ZC2HC1B: variants seen among roughly 807,000 people sequenced by gnomAD.
ZC2HC1B encodes zinc finger C2HC-type containing 1B, also known as zinc finger C2HC domain-containing protein 1B.
Under a neutral mutation model 31.0 loss-of-function variants are expected in ZC2HC1B, and 36 were observed. The ratio of observed to expected loss-of-function variants is 1.16; its 90% confidence interval spans 0.89 to 1.54. The LOEUF is 1.54. Among genes scored for constraint, ZC2HC1B ranks in the 40% most tolerant of loss-of-function variants. ZC2HC1B has a pLI of 0.00. For missense variants in ZC2HC1B, 260 were observed against 268.6 expected (o/e 0.97, Z 0.22); for synonymous variants, 73 against 88.0 (o/e 0.83, Z 0.95).
intron 6 of ZC2HC1B, among the ~76,000 whole-genome samples, chr6:143,920,964 T>C (rs1348566266): frequency 2.0e-5 from 3 of 151,446 alleles, no homozygotes; most frequent in Non-Finnish European, 2.9e-5. Context: ...GAGCTCACCT[T>C]CTCCTATTTC....
rs528914911 is a variant in ZC2HC1B at position 143,911,824 on chromosome 6, G to A, written c.598+8672G>A. Among the ~76,000 whole-genome samples, 1 of 152,294 alleles carries A rather than the reference G, an allele frequency of 6.6e-6. No individual in the cohort carries two copies. The highest frequency in any genetic ancestry group is 2.4e-5 in the African/African-American group (1 of 41,554). On this transcript the variant is annotated intron_variant, in intron 6 of 7. Transcript: ENST00000237275. This position sits in a 1 kb window ranked among gnomAD's most constrained non-coding sequence, Gnocchi z 4.5. Reference sequence around the variant, plus strand: ...ATTTGAATATTGGCCTGTCATGCTAGGTTGGGGAAGTGCTGGATTATATCC... The same window carrying A: ...ATTTGAATATTGGCCTGTCATGCTAAGTTGGGGAAGTGCTGGATTATATCC...
rs1340549037 is a variant in ZC2HC1B, at chr6:143,869,886, A to G, written c.28+5319A>G. Among the ~76,000 whole-genome samples, 21 of 152,196 alleles carry G rather than the reference A, an allele frequency of 1.4e-4. No homozygotes were observed. Among genetic ancestry groups the G allele is most frequent in the Admixed American group, 1.4e-3 (21 of 15,272 alleles). On this transcript the variant is annotated intron_variant, in intron 1 of 7. Coordinates refer to ENST00000237275, the MANE Select transcript of ZC2HC1B (RefSeq NM_001013623.3). This position sits in a 1 kb window ranked among gnomAD's most constrained non-coding sequence, Gnocchi z 5.2. ...TTGTTCATGGGCCCATTGGGCGACAACAGGGGTGGCTGGGGAAAGAGGCTG... is the reference window on the plus strand; with the variant it reads ...TTGTTCATGGGCCCATTGGGCGACAGCAGGGGTGGCTGGGGAAAGAGGCTG...
intron 1 of ZC2HC1B, among the ~76,000 whole-genome samples, chr6:143,874,114 G>T (rs1449808991): frequency 6.6e-6 from 1 of 152,058 alleles, no homozygotes; most frequent in South Asian, 2.1e-4. Flanking sequence ...GGTACCCTAC[G>T]TCATATCTCT....
At chr6:143,931,182 A>T (rs1384840882) in intron 6 of ZC2HC1B, among the ~76,000 whole-genome samples, 3 of 152,044 alleles carry the variant, frequency 2.0e-5, no homozygotes, top group Admixed American at 2.0e-4. Flanking sequence ...CTTTACCTTA[A>T]GTCTATGTGA....
chr6:143,879,873 C>G (rs1036904933), intron 1 of ZC2HC1B, among the ~76,000 whole-genome samples: 1 of 140,296 alleles, frequency 7.1e-6, no homozygotes, highest in Non-Finnish European at 1.5e-5. Flanking sequence ...GCTCTGTTGC[C>G]CAGCAGGCAC....
At chr6:143,893,890 G>C (rs1283462804) in intron 4 of ZC2HC1B, among the ~76,000 whole-genome samples, 1 of 152,066 alleles carries the variant, frequency 6.6e-6, no homozygotes, top group Non-Finnish European at 1.5e-5. Context: ...ATTTCACCGT[G>C]TTAGCCAGGA....
intron 6 of ZC2HC1B, among the ~76,000 whole-genome samples, chr6:143,912,292 T>G (rs1777870059): frequency 6.6e-6 from 1 of 152,220 alleles, no homozygotes; most frequent in Non-Finnish European, 1.5e-5. Flanking sequence ...CTCAGCCCAG[T>G]TCTCAGCCCT....
At chr6:143,882,777 G>T (rs1374409636) in intron 1 of ZC2HC1B, among the ~76,000 whole-genome samples, 1 of 151,922 alleles carries the variant, frequency 6.6e-6, no homozygotes, top group Non-Finnish European at 1.5e-5. Flanking sequence ...CCTGCTGGCC[G>T]GACAACTCTA....
At position 143,924,782 on chromosome 6, in the gene ZC2HC1B, C is replaced by A. The variant is rs1320300069; in HGVS notation, c.599-12867C>A. Reference sequence around the variant, plus strand: ...CTTGAAATGATCATATTGTTTTTGTCTTTCATTCTGTTGTTGTGAGGTATC... The same window carrying A: ...CTTGAAATGATCATATTGTTTTTGTATTTCATTCTGTTGTTGTGAGGTATC... On this transcript the variant is annotated intron_variant, in intron 6 of 7. Coordinates refer to ENST00000237275, the MANE Select transcript of ZC2HC1B (RefSeq NM_001013623.3). This position sits in a 1 kb window ranked among gnomAD's most constrained non-coding sequence, Gnocchi z 5.2. 6.6e-6 allele frequency among the ~76,000 whole-genome samples: 1 copy of A among 152,146 alleles called. No homozygotes were observed. The highest frequency in any genetic ancestry group is 2.4e-5 in the African/African-American group (1 of 41,438).
In ZC2HC1B at chr6:143,882,337, TA is replaced by T. The variant is rs1582954820; in HGVS notation, c.29-1966del. 3.0e-4 allele frequency among the ~76,000 whole-genome samples: 22 copies of T among 72,554 alleles called. No homozygotes were observed. The East Asian group carries it at 4.5e-3, about 15-fold the overall frequency. 47.6% of individuals were successfully genotyped at this position (72,554 alleles called of 152,430 possible). A position where few individuals can be genotyped will look rare whatever the true frequency, so the allele number is the denominator to read the frequency against. On this transcript the variant is annotated intron_variant, in intron 1 of 7. Transcript: ENST00000237275. ...ATGTATACATATTTTATATTTTTTATATATATATATATATATATATATATAT... is the reference window on the plus strand; with the variant it reads ...ATGTATACATATTTTATATTTTTTATTATATATATATATATATATATATAT...
Position 143,885,942 on chromosome 6 carries a change from T to C in ZC2HC1B, c.91-90T>C. 1 of 1,377,978 alleles carries C rather than the reference T, an allele frequency of 7.3e-7. No homozygotes were observed. The allele number at this position is 1,377,978 out of a possible 1,614,324, so 85.4% of individuals were successfully genotyped here. A position where few individuals can be genotyped will look rare whatever the true frequency, so the allele number is the denominator to read the frequency against. ...ACTAGGCTCTGAGGAGCAAACATAGTCCCTGGAGTGGGGGCTGTCTAGGTA... is the reference window on the plus strand; with the variant it reads ...ACTAGGCTCTGAGGAGCAAACATAGCCCCTGGAGTGGGGGCTGTCTAGGTA... On this transcript the variant is annotated intron_variant, in intron 2 of 7. Coordinates refer to ENST00000237275, the MANE Select transcript of ZC2HC1B (RefSeq NM_001013623.3). This position sits in a 1 kb window ranked among gnomAD's most constrained non-coding sequence, Gnocchi z 4.2.
chr6:143,926,828 CTTTTT>C (rs774028763), intron 6 of ZC2HC1B, among the ~76,000 whole-genome samples: 4 of 78,832 alleles, frequency 5.1e-5, no homozygotes, highest in Non-Finnish European at 1.0e-4. Flanking sequence ...ATTGTATCTT[CTTTTT>C]TTTTTTTTTT....
chr6:143,886,688 A>G lies in ZC2HC1B; in HGVS notation c.216A>G (p.Pro72=). ...GTTGGTTTTATTTTTTACAGTCTCC[A>G]CCTGTGAGGAAGTCTAACTGGAGAC... ...TVKKTPQSKS[P]PVRKSNWRQQ... The change falls in exon 4 of 8, where the codon CCA becomes CCG. Residue 72 remains proline (P), a synonymous_variant. Coordinates refer to ENST00000237275, the MANE Select transcript of ZC2HC1B (RefSeq NM_001013623.3). The surrounding 1 kb of genome is among the most constrained non-coding windows in gnomAD (Gnocchi z 4.2). 1 of 1,539,638 alleles carries G rather than the reference A, an allele frequency of 6.5e-7. No individual in the cohort carries two copies. The highest frequency in any genetic ancestry group is 8.8e-7 in the Non-Finnish European group (1 of 1,141,726).
In ZC2HC1B at chr6:143,917,109, C is replaced by G. The variant is rs563030877; in HGVS notation, c.598+13957C>G. Among the ~76,000 whole-genome samples, 1 of 152,252 alleles carries G rather than the reference C, an allele frequency of 6.6e-6. No homozygotes were observed. The highest frequency in any genetic ancestry group is 1.9e-4 in the East Asian group (1 of 5,186). Reference sequence around the variant, plus strand: ...ACTGAATCATGGGGGCAAGTCTTTCCTGTGCTATTCTCGTGATAGTGAGTA... The same window carrying G: ...ACTGAATCATGGGGGCAAGTCTTTCGTGTGCTATTCTCGTGATAGTGAGTA... On this transcript the variant is annotated intron_variant, in intron 6 of 7. Coordinates refer to ENST00000237275, the MANE Select transcript of ZC2HC1B (RefSeq NM_001013623.3). This position sits in a 1 kb window ranked among gnomAD's most constrained non-coding sequence, Gnocchi z 4.1.
chr6:143,922,247 A>C lies in ZC2HC1B; in HGVS notation c.599-15402A>C, dbSNP rs1001474339. Among the ~76,000 whole-genome samples, 16 of 152,232 alleles carry C rather than the reference A, an allele frequency of 1.1e-4. No homozygotes were observed. The highest frequency in any genetic ancestry group is 3.9e-4 in the African/African-American group (16 of 41,470). On this transcript the variant is annotated intron_variant, in intron 6 of 7. Coordinates refer to ENST00000237275, the MANE Select transcript of ZC2HC1B (RefSeq NM_001013623.3). The surrounding 1 kb of genome is among the most constrained non-coding windows in gnomAD (Gnocchi z 5.0). ...AATACATGTGGTATTTTGATACATG[A>C]ATAAAATGTGTAATGATCAAATCAG...
Position 143,938,060 on chromosome 6 carries a change from C to T in ZC2HC1B, c.*15-82C>T, listed in dbSNP as rs756248651. On this transcript the variant is annotated intron_variant, in intron 7 of 7. Coordinates refer to ENST00000237275, the MANE Select transcript of ZC2HC1B (RefSeq NM_001013623.3). The surrounding 1 kb of genome is among the most constrained non-coding windows in gnomAD (Gnocchi z 4.2). ...AATTGTTTGTAAAATAATTAAAAGT[C>T]TGAAGAGGCCTATGTTATTTAGCAT... 20 of 169,312 alleles carry T rather than the reference C, an allele frequency of 1.2e-4. No individual in the cohort carries two copies. Among genetic ancestry groups the T allele is most frequent in the Non-Finnish European group, 2.1e-4 (17 of 79,576 alleles). The allele number at this position is 169,312 out of a possible 1,614,324, so 10.5% of individuals were successfully genotyped here. A position where few individuals can be genotyped will look rare whatever the true frequency, so the allele number is the denominator to read the frequency against.
At chr6:143,893,769 C>T (rs1777629590) in intron 4 of ZC2HC1B, among the ~76,000 whole-genome samples, 1 of 152,016 alleles carries the variant, frequency 6.6e-6, no homozygotes, top group Admixed American at 6.5e-5. Flanking sequence ...TCACTGCAAG[C>T]TCCGCCTCCC....
intron 4 of ZC2HC1B, among the ~76,000 whole-genome samples, chr6:143,888,368 G>A (rs6938420): frequency 0.044 from 6,684 of 151,954 alleles, 369 homozygotes; most frequent in African/African-American, 0.13. Flanking sequence ...GTTTGTTTTT[G>A]CTATTCAAGG....
At chr6:143,874,296 C>T (rs1449242257) in intron 1 of ZC2HC1B, among the ~76,000 whole-genome samples, 2 of 152,204 alleles carry the variant, frequency 1.3e-5, no homozygotes, top group Non-Finnish European at 2.9e-5. Context: ...TTTGTCAAAG[C>T]CATTCAACAA....
Sources: gnomAD v4.1 joint callset for allele counts (sites outside exome capture counted in the v4.1 genomes callset) on GRCh38, gnomAD v4.1.1 for gene constraint, Gnocchi (gnomAD v3.1) non-coding constraint, MANE v1.5 for transcripts, NCBI Gene and HGNC (gene_info 2026-07-23, HGNC 2026-07-21) for gene names.